Variants in CHD9 observed in about 807,000 individuals in gnomAD.
CHD9 encodes the protein chromodomain helicase DNA binding protein 9.
Under a neutral mutation model 316.1 loss-of-function variants are expected in CHD9, and 77 were observed. That is an observed-to-expected ratio of 0.24 (90% CI 0.20 to 0.29). The LOEUF is 0.29. Ranked by LOEUF, CHD9 falls within the 10% of genes least tolerant of loss-of-function variation. CHD9 has a pLI of 1.00. For synonymous variants in CHD9, 1,129 were observed against 1,158.3 expected (o/e 0.97, Z 0.51); for missense variants, 2,763 against 3,438.1 (o/e 0.80, Z 4.91).
chr16:53,321,058 T>G, intron 37 of CHD9: 1 of 379,502 alleles, frequency 2.6e-6, no homozygotes, highest in South Asian at 2.2e-5. Flanking sequence ...ATATAATAAC[T>G]TATATTTATT....
chr16:53,196,451 G>T (rs1329117219), intron 2 of CHD9, among the ~76,000 whole-genome samples: 1 of 152,112 alleles, frequency 6.6e-6, no homozygotes, highest in Non-Finnish European at 1.5e-5. Context: ...CATTTTTACA[G>T]GTTCAGCCCA....
intron 1 of CHD9, among the ~76,000 whole-genome samples, chr16:53,077,070 C>T (rs1461493031): frequency 1.3e-5 from 2 of 151,368 alleles, no homozygotes; most frequent in Non-Finnish European, 2.9e-5. Context: ...TTGCTGCAAC[C>T]TCCGCCTCCT....
intron 1 of CHD9, among the ~76,000 whole-genome samples, chr16:53,088,059 CA>C (rs2152546679): frequency 6.6e-6 from 1 of 152,054 alleles, no homozygotes; most frequent in Admixed American, 6.5e-5. Flanking sequence ...ATTTGGAGTT[CA>C]AATGTTAGAG....
intron 37 of CHD9, among the ~76,000 whole-genome samples, chr16:53,318,965 C>T (rs2057076507): frequency 6.6e-6 from 1 of 152,186 alleles, no homozygotes; most frequent in Admixed American, 6.5e-5. Flanking sequence ...ACTAGAATGT[C>T]TTGAAGTTAC....
At chr16:53,254,196 T>C (rs991219460) in intron 17 of CHD9, among the ~76,000 whole-genome samples, 1 of 151,864 alleles carries the variant, frequency 6.6e-6, no homozygotes, top group South Asian at 2.1e-4. Context: ...ACAAAAAAAA[T>C]AGTCCTTTGT....
At position 53,324,401 on chromosome 16, in the gene CHD9, C is replaced by T. The variant is rs746144862; in HGVS notation, c.8200C>T (p.Pro2734Ser). 2 of 1,613,920 alleles carry T rather than the reference C, an allele frequency of 1.2e-6. No individual in the cohort carries two copies. Among genetic ancestry groups the T allele is most frequent in the Non-Finnish European group, 1.7e-6 (2 of 1,179,888 alleles). The change falls in exon 39 of 39, where the codon CCT (proline) becomes TCT (serine). Residue 2734 changes from proline (P) to serine (S), a missense_variant. By Grantham distance (74) the Pro-to-Ser change is moderately conservative. Coordinates refer to ENST00000447540, the MANE Select transcript of CHD9 (RefSeq NM_001308319.2). The part of the protein sequence containing the change: ...LLGMGGLLTK[P>S]TESGTEDKKG... ...GGGCATGGGAGGACTCCTGACAAAG[C>T]CTACGGAATCTGGGACAGAAGACAA...
At chr16:53,158,516 G>A (rs76942498) in intron 2 of CHD9, among the ~76,000 whole-genome samples, 2,562 of 152,232 alleles carry the variant, frequency 0.017, 80 homozygotes, top group African/African-American at 0.059. Flanking sequence ...GATAATTTCC[G>A]TGCGTCTCTT....
Position 53,165,825 on chromosome 16 carries a change from G to A in CHD9, c.1452+8284G>A, listed in dbSNP as rs146461972. Among the ~76,000 whole-genome samples the A allele has an allele frequency of 1.8e-3, 268 of 151,958 alleles. 1 individual carries two copies. Among genetic ancestry groups the A allele is most frequent in the African/African-American group, 6.2e-3 (258 of 41,478 alleles). On this transcript the variant is annotated intron_variant, in intron 2 of 38. Coordinates refer to ENST00000447540, the MANE Select transcript of CHD9 (RefSeq NM_001308319.2). ...TAAGTCAAAAAAGCATCAGATGTACGCACAATTAAAACACTTGTCACTCTA... is the reference window on the plus strand; with the variant it reads ...TAAGTCAAAAAAGCATCAGATGTACACACAATTAAAACACTTGTCACTCTA...
At chr16:53,296,480 G>T (rs746140492) in intron 29 of CHD9, among the ~76,000 whole-genome samples, 31 of 123,056 alleles carry the variant, frequency 2.5e-4, no homozygotes, top group Non-Finnish European at 4.3e-4. Context: ...TCGCTCTGTC[G>T]CCCAGGCTAG....
intron 2 of CHD9, among the ~76,000 whole-genome samples, chr16:53,168,316 GC>G (rs1401466096): frequency 5.9e-5 from 9 of 152,058 alleles, no homozygotes; most frequent in Admixed American, 1.3e-4. Flanking sequence ...ACCTGCTTTG[GC>G]CTCCCAAAGT....
chr16:53,179,041 C>T lies in CHD9; in HGVS notation c.1452+21500C>T, dbSNP rs574193288. The stretch of plus-strand genomic sequence containing the variant: ...CTGTTTCTAAAAAAAAAATTAAAAA[C>T]GAAATTGTCTTATGAATACATATAT... On this transcript the variant is annotated intron_variant, in intron 2 of 38. Transcript: ENST00000447540. 1.0e-3 allele frequency among the ~76,000 whole-genome samples: 159 copies of T among 152,072 alleles called. 1 individual carries two copies. In the Middle Eastern group the frequency reaches 0.024, roughly 23 times the overall value.
chr16:53,324,774 C>A lies in CHD9; in HGVS notation c.8573C>A (p.Thr2858Asn). ...RIKDQEDKGG[T>N]EPSPLNENST... ...AAAGATCAGGAAGACAAAGGAGGAA[C>A]TGAACCAAGTCCTCTCAATGAAAAC... The change falls in exon 39 of 39, where the codon ACT becomes AAT. Residue 2858 changes from threonine to asparagine, a missense_variant. Thr to Asn is a moderately conservative substitution (Grantham distance 65). Transcript: ENST00000447540. 1.9e-6 allele frequency: 3 copies of A among 1,613,286 alleles called. No homozygotes were observed. The highest frequency in any genetic ancestry group is 2.5e-6 in the Non-Finnish European group (3 of 1,179,594).
chr16:53,094,322 T>C (rs1405470505), intron 1 of CHD9, among the ~76,000 whole-genome samples: 1 of 152,126 alleles, frequency 6.6e-6, no homozygotes, highest in Non-Finnish European at 1.5e-5. Context: ...TGGAAGTCTG[T>C]ACCGGGGCAG....
At position 53,327,337 on chromosome 16, in the gene CHD9, G is replaced by T. The variant is rs1321229034; in HGVS notation, c.*2442G>T. ...AGTCCAATCTTTCTTTTGGACATTT[G>T]CAATATTTACCAGTTGTGTTTTGTG... is the stretch of plus-strand genomic sequence containing the variant. On this transcript the variant is annotated 3_prime_UTR_variant, in exon 39 of 39. Coordinates refer to ENST00000447540, the MANE Select transcript of CHD9 (RefSeq NM_001308319.2). 17 of 152,414 alleles carry T rather than the reference G, an allele frequency of 1.1e-4. No homozygotes were observed. Among genetic ancestry groups the T allele is most frequent in the Non-Finnish European group, 2.5e-4 (17 of 67,950 alleles). 9.4% of individuals were successfully genotyped at this position (152,414 alleles called of 1,614,324 possible).
At position 53,138,861 on chromosome 16, in the gene CHD9, G is replaced by A. The variant is rs544875429; in HGVS notation, c.-164-17065G>A. Among the ~76,000 whole-genome samples, 6 of 152,250 alleles carry A rather than the reference G, an allele frequency of 3.9e-5. 1 individual carries two copies. The South Asian group carries it at 1.2e-3, about 32-fold the overall frequency. On this transcript the variant is annotated intron_variant, in intron 1 of 38. Transcript: ENST00000447540. ...ACAGATCACTTATTTTCAATATTTG[G>A]CATTGAATGGAAGAATAGAAATAGG...
At chr16:53,282,374 G>A (rs181799060) in intron 24 of CHD9, among the ~76,000 whole-genome samples, 1 of 152,126 alleles carries the variant, frequency 6.6e-6, no homozygotes, top group Admixed American at 6.6e-5. Flanking sequence ...TTAAGGCCGT[G>A]GCAAGTGGAT....
chr16:53,153,066 A>G (rs1378163077), intron 1 of CHD9, among the ~76,000 whole-genome samples: 1 of 152,096 alleles, frequency 6.6e-6, no homozygotes, highest in East Asian at 1.9e-4. Flanking sequence ...GCTGATAGGT[A>G]GTGTTAGATG....
chr16:53,137,233 A>G (rs2039787354), intron 1 of CHD9, among the ~76,000 whole-genome samples: 1 of 152,030 alleles, frequency 6.6e-6, no homozygotes, highest in Non-Finnish European at 1.5e-5. Context: ...CGGCCTCCCA[A>G]AGTGTTGGGA....
chr16:53,146,220 T>A (rs1423824534), intron 1 of CHD9, among the ~76,000 whole-genome samples: 2 of 111,710 alleles, frequency 1.8e-5, no homozygotes, highest in Non-Finnish European at 3.7e-5. Context: ...ACCCCGTCTC[T>A]ACTAAAAAAA....
Sources: gnomAD v4.1 joint callset for allele counts (sites outside exome capture counted in the v4.1 genomes callset) on GRCh38, gnomAD v4.1.1 for gene constraint, MANE v1.5 for transcripts, NCBI Gene and HGNC (gene_info 2026-07-23, HGNC 2026-07-21) for gene names.